Variants in PIK3C2G observed in about 807,000 individuals in gnomAD.
PIK3C2G encodes phosphatidylinositol-4-phosphate 3-kinase catalytic subunit type 2 gamma.
A neutral mutation model predicts 181.1 loss-of-function variants in PIK3C2G; 168 were observed. The observed-to-expected ratio is 0.93, with a 90% CI of 0.82 to 1.05. The LOEUF is 1.05. Among genes scored for constraint, PIK3C2G ranks in the 50% least tolerant of loss-of-function variants. The pLI is 0.00. For synonymous variants in PIK3C2G, 573 were observed against 592.2 expected (o/e 0.97, Z 0.47); for missense variants, 1,869 against 1,732.8 (o/e 1.08, Z -1.40).
the PIK3C2G span, among the ~76,000 whole-genome samples, chr12:18,667,288 A>G: frequency 1.3e-5 from 2 of 152,250 alleles, no homozygotes; most frequent in East Asian, 3.9e-4. Context: ...GATATGTGTA[A>G]TATCTTAATT....
chr12:18,503,240 G>C (rs11044141), intron 22 of PIK3C2G, 41 bp from the exon 23 acceptor site: 227,205 of 1,493,250 alleles, frequency 0.15, 18,782 homozygotes, highest in African/African-American at 0.24. Flanking sequence ...CTCATCTTGT[G>C]ATGAAGGAAT....
chr12:18,462,642 G>T (rs1320160744), intron 18 of PIK3C2G, among the ~76,000 whole-genome samples: 3 of 152,156 alleles, frequency 2.0e-5, no homozygotes, highest in African/African-American at 7.2e-5. Context: ...TTTTGTTGTT[G>T]TTGTTAGGCT....
intron 30 of PIK3C2G, among the ~76,000 whole-genome samples, chr12:18,603,551 T>C (rs550755339): frequency 6.6e-6 from 1 of 151,504 alleles, no homozygotes; most frequent in African/African-American, 2.4e-5. Context: ...AAAAAGTTCT[T>C]CTCCTGAGCA....
chr12:18,608,095 T>C (rs1206731630), intron 30 of PIK3C2G, among the ~76,000 whole-genome samples: 1 of 152,032 alleles, frequency 6.6e-6, no homozygotes, highest in African/African-American at 2.4e-5. Flanking sequence ...TAGGAACACT[T>C]TTACACTGTT....
At chr12:18,303,143 C>CTTTCTTTCTTTCTTTT (rs1452204860) in intron 5 of PIK3C2G, among the ~76,000 whole-genome samples, 1 of 52,274 alleles carries the variant, frequency 1.9e-5, no homozygotes, top group African/African-American at 8.9e-5. Context: ...TCTTTCTTTT[C>CTTTCTTTCTTTCTTTT]TTTTCTTTCT....
At chr12:18,694,922 T>G in the PIK3C2G span, 2 of 1,593,292 alleles carry the variant, frequency 1.3e-6, no homozygotes, top group Non-Finnish European at 1.7e-6. Flanking sequence ...TTATTGTAAG[T>G]GTAATTGGCA....
the PIK3C2G span, chr12:18,712,730 C>T: frequency 7.5e-7 from 1 of 1,333,024 alleles, no homozygotes; most frequent in Non-Finnish European, 1.1e-6. Context: ...GATCATAACC[C>T]ACAATTTGAA....
At chr12:18,270,731 G>C (rs955319385) in intron 1 of PIK3C2G, among the ~76,000 whole-genome samples, 5 of 152,058 alleles carry the variant, frequency 3.3e-5, no homozygotes, top group African/African-American at 1.2e-4. Context: ...TTAAGGAATA[G>C]TTTCATATTC....
At chr12:18,542,439 T>A (rs1944207260) in intron 25 of PIK3C2G, among the ~76,000 whole-genome samples, 1 of 151,894 alleles carries the variant, frequency 6.6e-6, no homozygotes, top group Non-Finnish European at 1.5e-5. Flanking sequence ...CAGGGGTACA[T>A]GTGAAGGTTG....
At chr12:18,296,192 A>G (rs1274507559) in intron 5 of PIK3C2G, among the ~76,000 whole-genome samples, 2 of 152,178 alleles carry the variant, frequency 1.3e-5, no homozygotes, top group Non-Finnish European at 2.9e-5. Flanking sequence ...GTATTACATA[A>G]AATCCTGAAA....
chr12:18,446,959 A>C (rs958661197), intron 18 of PIK3C2G, among the ~76,000 whole-genome samples: 2 of 152,172 alleles, frequency 1.3e-5, no homozygotes, highest in Admixed American at 1.3e-4. Context: ...GAGTCCGATG[A>C]AATTCTTTTA....
chr12:18,261,329 T>C (rs1475109568), upstream of PIK3C2G, among the ~76,000 whole-genome samples: 1 of 152,190 alleles, frequency 6.6e-6, no homozygotes, highest in African/African-American at 2.4e-5. Context: ...CATTTATGGT[T>C]GGGTTTTTGG....
chr12:18,281,105 G>A (rs1445652719), intron 1 of PIK3C2G, among the ~76,000 whole-genome samples: 2 of 151,768 alleles, frequency 1.3e-5, no homozygotes, highest in African/African-American at 4.8e-5. Flanking sequence ...TATCCAAATG[G>A]AGCTATTGAT....
At chr12:18,690,213 G>T in the PIK3C2G span, among the ~76,000 whole-genome samples, 114 of 148,720 alleles carry the variant, frequency 7.7e-4, no homozygotes, top group Non-Finnish European at 1.2e-3. Flanking sequence ...TCTGTTTTTT[G>T]TTTGTTTGTT....
downstream of PIK3C2G, among the ~76,000 whole-genome samples, chr12:18,650,712 CTATATATATATATATATATATATATATA>C (rs1157799425): frequency 1.7e-3 from 25 of 14,618 alleles, no homozygotes; most frequent in East Asian, 0.01. Context: ...GTGTATATAT[CTATATATATATATATATATATATATATA>C]TATATATATA....
chr12:18,604,476 A>T (rs2136559790), intron 30 of PIK3C2G, among the ~76,000 whole-genome samples: 1 of 152,328 alleles, frequency 6.6e-6, no homozygotes, highest in Middle Eastern at 3.4e-3. Flanking sequence ...TGACAGCACT[A>T]GACAGGTCAT....
Position 18,611,341 on chromosome 12 carries a change from A to G in PIK3C2G, c.4182+1712A>G, listed in dbSNP as rs557676447. ...AAAGAGTTACTAATGATGTAGTAAT[A>G]CTTGTTTCAGTCTGCCTTCTCAGTT... is the stretch of plus-strand genomic sequence containing the variant. On this transcript the variant is annotated intron_variant, in intron 31 of 32. Coordinates refer to ENST00000538779, the MANE Select transcript of PIK3C2G (RefSeq NM_001288772.2). 4.6e-5 allele frequency among the ~76,000 whole-genome samples: 7 copies of G among 152,254 alleles called. No individual in the cohort carries two copies. The South Asian group carries it at 1.5e-3, about 32-fold the overall frequency.
intron 16 of PIK3C2G, among the ~76,000 whole-genome samples, chr12:18,400,356 T>C (rs1476807927): frequency 6.6e-6 from 1 of 152,250 alleles, no homozygotes; most frequent in East Asian, 1.9e-4. Context: ...GCTAATGATG[T>C]CTTCCTGTTA....
chr12:18,277,785 G>A (rs1215563248), intron 1 of PIK3C2G, among the ~76,000 whole-genome samples: 1 of 152,140 alleles, frequency 6.6e-6, no homozygotes, highest in African/African-American at 2.4e-5. Context: ...AAAAATAGAA[G>A]CAGCTGGCAG....
Sources: allele counts gnomAD v4.1 joint callset (sites outside exome capture counted in the v4.1 genomes callset), GRCh38; gene constraint gnomAD v4.1.1; transcripts MANE v1.5; gene names NCBI Gene and HGNC (gene_info 2026-07-23, HGNC 2026-07-21).